TAOK1: variants seen among roughly 807,000 people sequenced by gnomAD.
The protein encoded by TAOK1 is serine/threonine-protein kinase TAO1.
Under a neutral mutation model 138.3 loss-of-function variants are expected in TAOK1, and 21 were observed. That is an observed-to-expected ratio of 0.15 (90% CI 0.11 to 0.22). The LOEUF (loss-of-function observed/expected upper bound fraction) is 0.22, where lower values mean the gene tolerates loss of function less well. TAOK1 is among the 10% of genes least tolerant of loss of function. TAOK1 has a pLI of 1.00. For missense variants in TAOK1, 651 were observed against 1,227.7 expected, an observed-to-expected ratio of 0.53 and a Z score of 7.02; for synonymous variants, 361 against 398.4, an observed-to-expected ratio of 0.91 and a Z score of 1.12.
intron 1 of TAOK1, among the ~76,000 whole-genome samples, chr17:29,400,410 A>G (rs1904804804): frequency 6.8e-6 from 1 of 148,040 alleles, no homozygotes; most frequent in African/African-American, 2.5e-5. Context: ...AAAAAAAAAC[A>G]ACAAATGACA....
intron 2 of TAOK1, among the ~76,000 whole-genome samples, chr17:29,452,095 A>G (rs1435513125): frequency 1.3e-5 from 2 of 152,088 alleles, no homozygotes; most frequent in Admixed American, 6.6e-5. Context: ...GCACACCTGT[A>G]GTTCCAGGTA....
intron 17 of TAOK1, among the ~76,000 whole-genome samples, chr17:29,529,976 A>T (rs1398471224): frequency 6.6e-6 from 1 of 151,936 alleles, no homozygotes; most frequent in Non-Finnish European, 1.5e-5. Context: ...ACAGTAAGCA[A>T]TGGTTGCACC....
At chr17:29,489,546 G>A (rs995364447) in intron 8 of TAOK1, 118 bp from the exon 9 acceptor site, 2 of 644,848 alleles carry the variant, frequency 3.1e-6, no homozygotes, top group Non-Finnish European at 5.1e-6. Context: ...GCAATTTTTT[G>A]TGTAAGTTTA....
chr17:29,534,930 TG>T (rs1478444774), intron 19 of TAOK1, among the ~76,000 whole-genome samples: 2 of 66,484 alleles, frequency 3.0e-5, no homozygotes, highest in African/African-American at 7.9e-5. Context: ...GATACTAAGG[TG>T]TGTGTGTGTG....
At chr17:29,397,499 A>C (rs1904648846) in intron 1 of TAOK1, among the ~76,000 whole-genome samples, 1 of 150,956 alleles carries the variant, frequency 6.6e-6, no homozygotes, top group Admixed American at 6.6e-5. Context: ...GCTACTCAGG[A>C]AGTTGAGGCA....
At chr17:29,445,195 A>G (rs1248277006) in intron 1 of TAOK1, 1 of 152,268 alleles carries the variant, frequency 6.6e-6, no homozygotes, top group East Asian at 1.9e-4. Flanking sequence ...ACAAGCATGC[A>G]ATGCGCAATA....
rs60665025 is a variant in TAOK1 at position 29,397,607 on chromosome 17, C to CCGCAAAA, written c.-95+6583_-95+6584insCGCAAAA. On this transcript the variant is annotated intron_variant, in intron 1 of 19. Transcript: ENST00000261716. ...AACAGAGTGAGATTCCGTCCCCCCC[C>CCGCAAAA]AAAAAAATATATATATATATATACA... Among the ~76,000 whole-genome samples the CCGCAAAA allele has an allele frequency of 5.5e-4, 52 of 94,614 alleles. 2 individuals are homozygous for CCGCAAAA. In the East Asian group the frequency reaches 0.011, roughly 20 times the overall value. The allele number at this position is 94,614 out of a possible 152,430, so 62.1% of individuals were successfully genotyped here. A position where few individuals can be genotyped will look rare whatever the true frequency, so the allele number is the denominator to read the frequency against.
intron 1 of TAOK1, among the ~76,000 whole-genome samples, chr17:29,415,149 T>C (rs934780023): frequency 6.6e-6 from 1 of 152,084 alleles, no homozygotes; most frequent in Non-Finnish European, 1.5e-5. Flanking sequence ...TTGATATTTT[T>C]AGTAGAGACG....
intron 1 of TAOK1, among the ~76,000 whole-genome samples, chr17:29,397,761 ATATG>A (rs972137312): frequency 3.0e-4 from 41 of 137,494 alleles, no homozygotes; most frequent in African/African-American, 1.1e-3. Flanking sequence ...ACGTATGTAT[ATATG>A]TATACATGTA....
Position 29,498,533 on chromosome 17 carries a change from G to C in TAOK1, c.1203+12G>C. On this transcript the variant is annotated intron_variant, in intron 12 of 19. Transcript: ENST00000261716. Reference sequence around the variant, plus strand: ...TCCATTTAAAACCAGTGAGTATTTGGATTTCAATGAAAGAAATTCAATGTT... The same window carrying C: ...TCCATTTAAAACCAGTGAGTATTTGCATTTCAATGAAAGAAATTCAATGTT... The C allele has an allele frequency of 6.2e-7, 1 of 1,611,504 alleles. No individual in the cohort carries two copies. The highest frequency in any genetic ancestry group is 8.5e-7 in the Non-Finnish European group (1 of 1,177,650).
chr17:29,485,792 A>G (rs1160242781), intron 8 of TAOK1, among the ~76,000 whole-genome samples: 1 of 152,156 alleles, frequency 6.6e-6, no homozygotes, highest in African/African-American at 2.4e-5. Flanking sequence ...TATAATTTGA[A>G]CTCTTTCTCT....
chr17:29,508,067 C>CG lies in TAOK1; in HGVS notation c.1511dup (p.Asn505Ter). 1 of 1,614,032 alleles carries CG rather than the reference C, an allele frequency of 6.2e-7. No individual in the cohort carries two copies. The highest frequency in any genetic ancestry group is 8.5e-7 in the Non-Finnish European group (1 of 1,179,960). On this transcript the variant is annotated frameshift_variant, in exon 14 of 20. Transcript: ENST00000261716. LOFTEE classifies it high-confidence loss of function. Reference sequence around the variant, plus strand: ...ATTAGACAAAGATCTTGAAACTCAGCGTAACAATTTTGCTGCAGAAATGGA... The same window carrying CG: ...ATTAGACAAAGATCTTGAAACTCAGCGGTAACAATTTTGCTGCAGAAATGGA...
intron 1 of TAOK1, among the ~76,000 whole-genome samples, chr17:29,409,330 T>C (rs1905083183): frequency 1.8e-5 from 1 of 55,012 alleles, no homozygotes; most frequent in African/African-American, 6.9e-5. Context: ...TATATATATA[T>C]ATATTTTTTT....
At chr17:29,440,598 A>G (rs1372235585) in intron 1 of TAOK1, among the ~76,000 whole-genome samples, 1 of 150,504 alleles carries the variant, frequency 6.6e-6, no homozygotes, top group Non-Finnish European at 1.5e-5. Context: ...TCTTTTTGAG[A>G]CAGAGTCTGC....
At chr17:29,437,056 TTTTGTTTG>T (rs1005770321) in intron 1 of TAOK1, among the ~76,000 whole-genome samples, 3 of 152,038 alleles carry the variant, frequency 2.0e-5, no homozygotes, top group Non-Finnish European at 4.4e-5. Context: ...AAAAAACCTT[TTTTGTTTG>T]TTTGTTTGTT....
At chr17:29,422,557 C>T (rs1905487286) in intron 1 of TAOK1, among the ~76,000 whole-genome samples, 1 of 152,146 alleles carries the variant, frequency 6.6e-6, no homozygotes, top group East Asian at 1.9e-4. Context: ...TATGTTTTTT[C>T]AGAGACTCTC....
At chr17:29,470,535 T>C (rs2030789791) in intron 3 of TAOK1, among the ~76,000 whole-genome samples, 1 of 94,432 alleles carries the variant, frequency 1.1e-5, no homozygotes, top group African/African-American at 4.8e-5. Context: ...AATAAAACTG[T>C]ATTAAAAAAA....
chr17:29,548,199 G>GA lies in TAOK1; in HGVS notation c.*5177_*5178insA, dbSNP rs2032432919. 6.6e-6 allele frequency: 1 copy of GA among 152,070 alleles called. No individual in the cohort carries two copies. Among genetic ancestry groups the GA allele is most frequent in the Admixed American group, 6.6e-5 (1 of 15,262 alleles). The allele number at this position is 152,070 out of a possible 1,614,324, so 9.4% of individuals were successfully genotyped here. ...AGAGACTCCATTTAGCTTAACGGTA[G>GA]TCTTTAGATCATAAGAAATATATAA... On this transcript the variant is annotated 3_prime_UTR_variant, in exon 20 of 20. Coordinates refer to ENST00000261716, the MANE Select transcript of TAOK1 (RefSeq NM_020791.4).
At chr17:29,473,500 G>A (rs2030874541) in intron 3 of TAOK1, among the ~76,000 whole-genome samples, 1 of 151,574 alleles carries the variant, frequency 6.6e-6, no homozygotes, top group African/African-American at 2.4e-5. Context: ...CCCAGATGTG[G>A]TGGCAGGAGG....
Sources: allele counts gnomAD v4.1 joint callset (sites outside exome capture counted in the v4.1 genomes callset), GRCh38; gene constraint gnomAD v4.1.1; transcripts MANE v1.5; gene names NCBI Gene and HGNC (gene_info 2026-07-23, HGNC 2026-07-21).